HDAC8: variants seen among roughly 807,000 people sequenced by gnomAD.
The protein encoded by HDAC8 is histone deacetylase 8.
Under a neutral mutation model 32.2 loss-of-function variants are expected in HDAC8, and 1 was observed. The ratio of observed to expected loss-of-function variants is 0.03; its 90% CI spans 0.01 to 0.15. The LOEUF is 0.15. HDAC8 is among the 10% of genes least tolerant of loss of function. HDAC8 has a pLI of 1.00. For missense variants in HDAC8, 117 were observed against 300.0 expected (o/e 0.39, Z 4.51); for synonymous variants, 108 against 113.9 (o/e 0.95, Z 0.33).
chrX:72,515,597 G>GGGGGGGGA (rs2049777939), intron 4 of HDAC8, among the ~76,000 whole-genome samples: 2 of 65,997 alleles, frequency 3.0e-5, no homozygotes, highest in Non-Finnish European at 5.5e-5. Context: ...TGGGGGGGGG[G>GGGGGGGGA]TGGGGGGGAA....
At chrX:72,481,281 T>C (rs782670647) in intron 7 of HDAC8, among the ~76,000 whole-genome samples, 5 of 110,677 alleles carry the variant, frequency 4.5e-5, no homozygotes, top group Admixed American at 9.6e-5. Context: ...GCCCCTATGA[T>C]CTAATCACCT....
chrX:72,416,514 T>C (rs1266378649), intron 9 of HDAC8, among the ~76,000 whole-genome samples: 1 of 99,855 alleles, frequency 1.0e-5, no homozygotes, highest in African/African-American at 3.6e-5. Context: ...TTTCATTGAA[T>C]TTATTATTAT....
At chrX:72,493,570 C>T (rs1252941077) in intron 5 of HDAC8, among the ~76,000 whole-genome samples, 2 of 111,940 alleles carry the variant, frequency 1.8e-5, no homozygotes, top group African/African-American at 6.5e-5. Flanking sequence ...AAATAGTAAA[C>T]ATTTTCGGCT....
At chrX:72,467,842 C>T (rs1018536544) in intron 7 of HDAC8, 23 of 679,921 alleles carry the variant, frequency 3.4e-5, no homozygotes, top group Non-Finnish European at 4.9e-5. Flanking sequence ...TAGAATTGAT[C>T]GGGTAATACA....
intron 9 of HDAC8, among the ~76,000 whole-genome samples, chrX:72,427,186 T>C (rs2046663415): frequency 9.0e-6 from 1 of 111,412 alleles, no homozygotes; most frequent in Non-Finnish European, 1.9e-5. Flanking sequence ...TGAATTATCT[T>C]TCTATTCTTT....
chrX:72,571,926 CTG>C, intron 2 of HDAC8, 129 bp downstream of exon 2: 2 of 544,677 alleles, frequency 3.7e-6, no homozygotes, highest in East Asian at 4.0e-5. Flanking sequence ...ATTACAAACA[CTG>C]TGAATACTTT....
intron 4 of HDAC8, among the ~76,000 whole-genome samples, chrX:72,560,565 T>TAAA (rs147846647): frequency 1.9e-3 from 67 of 35,196 alleles, no homozygotes; most frequent in African/African-American, 2.1e-3. Flanking sequence ...CAATAAATAC[T>TAAA]AAAAAAAAAA....
intron 7 of HDAC8, among the ~76,000 whole-genome samples, chrX:72,468,905 T>C (rs2048092905): frequency 1.8e-5 from 2 of 111,883 alleles, no homozygotes; most frequent in Admixed American, 9.5e-5. Context: ...GACCTATTTT[T>C]TCCCCCTGCC....
chrX:72,357,959 C>T (rs1300588233), intron 9 of HDAC8, among the ~76,000 whole-genome samples: 1 of 109,753 alleles, frequency 9.1e-6, no homozygotes, highest in Non-Finnish European at 1.9e-5. Flanking sequence ...GGCTGGAGTG[C>T]GGTGGCATGA....
intron 10 of HDAC8, among the ~76,000 whole-genome samples, chrX:72,334,204 A>C (rs2043615356): frequency 8.9e-6 from 1 of 111,885 alleles, no homozygotes; most frequent in African/African-American, 3.2e-5. Context: ...GCTGGGGCCT[A>C]GGGAGACAAG....
At chrX:72,429,399 G>A (rs1268947050) in intron 9 of HDAC8, among the ~76,000 whole-genome samples, 17 of 112,003 alleles carry the variant, frequency 1.5e-4, no homozygotes, top group Non-Finnish European at 1.9e-4. Flanking sequence ...TAATTCCTCT[G>A]ATTTTATCAA....
intron 6 of HDAC8, among the ~76,000 whole-genome samples, chrX:72,490,304 G>A (rs1292944843): frequency 3.6e-5 from 4 of 110,298 alleles, no homozygotes; most frequent in Middle Eastern, 9.3e-3. Flanking sequence ...ACATGCATAC[G>A]TATGTTTATT....
In HDAC8 at chrX:72,426,534, G is replaced by A. The variant is rs782104207; in HGVS notation, c.1005+35470C>T. Among the ~76,000 whole-genome samples the A allele has an allele frequency of 6.5e-4, 73 of 112,271 alleles. 1 individual carries two copies. Among genetic ancestry groups the A allele is most frequent in the African/African-American group, 2.1e-3 (64 of 30,937 alleles). ...AGTGGAGGATTTGGTTTTTAACAATGCCTAGTCAAAATAAAATTTTCTCCT... is the reference window on the plus strand; with the variant it reads ...AGTGGAGGATTTGGTTTTTAACAATACCTAGTCAAAATAAAATTTTCTCCT... On this transcript the variant is annotated intron_variant, in intron 9 of 10. Coordinates refer to ENST00000373573, the MANE Select transcript of HDAC8 (RefSeq NM_018486.3).
At chrX:72,524,207 A>G (rs1368955360) in intron 4 of HDAC8, among the ~76,000 whole-genome samples, 1 of 112,057 alleles carries the variant, frequency 8.9e-6, no homozygotes, top group African/African-American at 3.3e-5. Flanking sequence ...CCAAAAATCT[A>G]TATCTTCATC....
rs1430995252 is a variant in HDAC8, at chrX:72,568,050, G to A, written c.296-20C>T. On this transcript the variant is annotated intron_variant, in intron 3 of 10. Transcript: ENST00000373573. ...CATAACCTTAGGGCAAAAATCAGAAGAGCTGGTTAAAAGGTGAACTGGAAA... is the reference window on the plus strand; with the variant it reads ...CATAACCTTAGGGCAAAAATCAGAAAAGCTGGTTAAAAGGTGAACTGGAAA... 1 of 1,200,007 alleles carries A rather than the reference G, an allele frequency of 8.3e-7. No individual in the cohort carries two copies. Among genetic ancestry groups the A allele is most frequent in the Non-Finnish European group, 1.1e-6 (1 of 885,681 alleles).
intron 7 of HDAC8, among the ~76,000 whole-genome samples, chrX:72,482,279 T>A (rs1432778808): frequency 8.9e-6 from 1 of 111,890 alleles, no homozygotes; most frequent in African/African-American, 3.3e-5. Context: ...AAGATGTAAT[T>A]CCATGAGAAG....
intron 9 of HDAC8, among the ~76,000 whole-genome samples, chrX:72,443,502 A>C (rs1267183590): frequency 2.7e-5 from 3 of 111,802 alleles, no homozygotes; most frequent in African/African-American, 9.8e-5. Flanking sequence ...ACAGAGACAC[A>C]ACATACCAGA....
At chrX:72,483,705 C>T (rs1556004320) in intron 7 of HDAC8, among the ~76,000 whole-genome samples, 1 of 111,605 alleles carries the variant, frequency 9.0e-6, no homozygotes, top group African/African-American at 3.3e-5. Flanking sequence ...AATTTTGGCC[C>T]CAGACCCCAG....
chrX:72,331,452 G>A (rs2043521300), intron 10 of HDAC8, among the ~76,000 whole-genome samples: 1 of 111,028 alleles, frequency 9.0e-6, no homozygotes, highest in Non-Finnish European at 1.9e-5. Flanking sequence ...TTGTCTTTTT[G>A]AGAATGCCAT....
Sources: allele counts gnomAD v4.1 joint callset (sites outside exome capture counted in the v4.1 genomes callset), GRCh38; gene constraint gnomAD v4.1.1; transcripts MANE v1.5; gene names NCBI Gene and HGNC (gene_info 2026-07-23, HGNC 2026-07-21).